The following GRM7 variants were observed in gnomAD, a reference collection of about 807,000 sequenced individuals.
GRM7 encodes metabotropic glutamate receptor 7.
In GRM7, 35 loss-of-function variants were observed where a neutral mutation model predicts 84.5. The ratio of observed to expected loss-of-function variants is 0.41; its 90% confidence interval spans 0.32 to 0.55. The LOEUF (loss-of-function observed/expected upper bound fraction) is 0.55. Among genes scored for constraint, GRM7 ranks in the 20% least tolerant of loss-of-function variants. GRM7 has a pLI of 0.19. For synonymous variants in GRM7, 487 were observed against 455.1 expected, an observed-to-expected ratio of 1.07 and a Z score of -0.89; for missense variants, 1,003 against 1,194.6, an observed-to-expected ratio of 0.84 and a Z score of 2.36.
chr3:7,637,447 G>A (rs912443521), intron 8 of GRM7, among the ~76,000 whole-genome samples: 5 of 152,158 alleles, frequency 3.3e-5, no homozygotes, highest in African/African-American at 9.7e-5. Flanking sequence ...CATTCAGGAC[G>A]GATCGCAATC....
chr3:7,482,971 T>C (rs1448224331), intron 7 of GRM7, among the ~76,000 whole-genome samples: 1 of 152,220 alleles, frequency 6.6e-6, no homozygotes, highest in Non-Finnish European at 1.5e-5. Context: ...AAATTACTTA[T>C]ATGGTCTTGT....
At chr3:7,471,041 G>A (rs779708) in intron 7 of GRM7, among the ~76,000 whole-genome samples, 114,027 of 150,918 alleles carry the variant, frequency 0.76, 44,036 homozygotes, top group African/African-American at 0.93. Context: ...TTCCTGAACC[G>A]CAATTCCCTT....
intron 1 of GRM7, among the ~76,000 whole-genome samples, chr3:7,053,828 G>A (rs994245569): frequency 6.6e-6 from 1 of 150,926 alleles, no homozygotes; most frequent in Admixed American, 6.6e-5. Context: ...TTTCAAAATT[G>A]TTATGGTTAT....
At chr3:7,054,595 A>G (rs1433965478) in intron 1 of GRM7, among the ~76,000 whole-genome samples, 1 of 151,818 alleles carries the variant, frequency 6.6e-6, no homozygotes, top group Non-Finnish European at 1.5e-5. Flanking sequence ...GCAAGTCCTT[A>G]TTAGGTTGAA....
intron 4 of GRM7, among the ~76,000 whole-genome samples, chr3:7,363,422 C>T (rs1693753389): frequency 6.6e-6 from 1 of 151,964 alleles, no homozygotes; most frequent in South Asian, 2.1e-4. Flanking sequence ...TCAGCATTAC[C>T]AAAAGAGCAG....
rs149152736 is a variant in GRM7, at chr3:7,319,752, G to C, written c.1033+13100G>C. Among the ~76,000 whole-genome samples the C allele has an allele frequency of 4.1e-3, 617 of 152,040 alleles. 5 individuals carry two copies. Among genetic ancestry groups the C allele is most frequent in the African/African-American group, 0.014 (577 of 41,526 alleles). Reference sequence around the variant, plus strand: ...AAGAAAAAAACTGACAAAAGATACTGTTTGTTTTTCTCAACTGTTCTTTAG... The same window carrying C: ...AAGAAAAAAACTGACAAAAGATACTCTTTGTTTTTCTCAACTGTTCTTTAG... On this transcript the variant is annotated intron_variant, in intron 4 of 9. Transcript: ENST00000357716.
intron 5 of GRM7, among the ~76,000 whole-genome samples, chr3:7,431,405 A>C (rs897688918): frequency 1.3e-5 from 2 of 152,136 alleles, no homozygotes; most frequent in African/African-American, 4.8e-5. Flanking sequence ...GTTCCTTCTT[A>C]GTGGGGGGAG....
Position 6,863,125 on chromosome 3 carries a change from G to GC in GRM7, c.519+1218_519+1219insC. On this transcript the variant is annotated intron_variant, in intron 1 of 9. Transcript: ENST00000357716. This position sits in a 1 kb window ranked among gnomAD's most constrained non-coding sequence, Gnocchi z 4.8. ...CTCTTTCTGTCTCTGTCTCCTTGCT[G>GC]TTTTTTTTTTCTCTCTGTTTTTTCT... 3.3e-6 allele frequency: 1 copy of GC among 305,906 alleles called. No individual in the cohort carries two copies. The highest frequency in any genetic ancestry group is 6.5e-6 in the Non-Finnish European group (1 of 154,106). The allele number at this position is 305,906 out of a possible 1,614,324, so 18.9% of individuals were successfully genotyped here. A position where few individuals can be genotyped will look rare whatever the true frequency, so the allele number is the denominator to read the frequency against.
intron 2 of GRM7, among the ~76,000 whole-genome samples, chr3:7,157,410 A>G (rs1469055635): frequency 6.6e-6 from 1 of 152,196 alleles, no homozygotes; most frequent in Non-Finnish European, 1.5e-5. Flanking sequence ...TTGGAAAAAA[A>G]GAAAAAAATT....
intron 2 of GRM7, among the ~76,000 whole-genome samples, chr3:7,225,162 T>C (rs114261169): frequency 0.018 from 2,758 of 152,040 alleles, 93 homozygotes; most frequent in African/African-American, 0.063. Context: ...CTTTTAAAAA[T>C]TCATATCTAT....
At position 6,861,194 on chromosome 3, in the gene GRM7, G is replaced by A. The variant is rs1006292133; in HGVS notation, c.-195G>A. 22 of 459,370 alleles carry A rather than the reference G, an allele frequency of 4.8e-5. No individual in the cohort carries two copies. The highest frequency in any genetic ancestry group is 8.2e-5 in the African/African-American group (4 of 48,756). The allele number at this position is 459,370 out of a possible 1,614,324, so 28.5% of individuals were successfully genotyped here. ...CGCCGGCCGGCTAACCCGAGAGCGC[G>A]AGGCGCCCCAGGCTGGCAGGCGCCG... is the stretch of plus-strand genomic sequence containing the variant. On this transcript the variant is annotated 5_prime_UTR_variant, in exon 1 of 10. Transcript: ENST00000357716. The surrounding 1 kb of genome is among the most constrained non-coding windows in gnomAD (Gnocchi z 6.4).
chr3:7,320,370 T>C (rs1481583770), intron 4 of GRM7, among the ~76,000 whole-genome samples: 1 of 152,012 alleles, frequency 6.6e-6, no homozygotes. Flanking sequence ...ATGCTAAGTA[T>C]GATAAAGAAC....
intron 2 of GRM7, among the ~76,000 whole-genome samples, chr3:7,272,948 T>G (rs942221342): frequency 6.6e-6 from 1 of 152,056 alleles, no homozygotes; most frequent in African/African-American, 2.4e-5. Context: ...GATAATTGCT[T>G]TTAGATTTTT....
At chr3:7,410,830 A>G (rs1219244765) in intron 4 of GRM7, among the ~76,000 whole-genome samples, 1 of 152,198 alleles carries the variant, frequency 6.6e-6, no homozygotes, top group Non-Finnish European at 1.5e-5. Flanking sequence ...TTTTTTATTT[A>G]CTAAGGTGTA....
At chr3:7,655,891 C>G (rs538831567) in intron 8 of GRM7, among the ~76,000 whole-genome samples, 1 of 152,272 alleles carries the variant, frequency 6.6e-6, no homozygotes, top group African/African-American at 2.4e-5. Flanking sequence ...TTCATAATTT[C>G]TTTATGAAGG....
At chr3:7,064,489 T>TATATACAC (rs1697566334) in intron 1 of GRM7, among the ~76,000 whole-genome samples, 30 of 92,466 alleles carry the variant, frequency 3.2e-4, no homozygotes, top group Non-Finnish European at 3.7e-4. Flanking sequence ...TACACACATA[T>TATATACAC]ACATATATAT....
rs116173471 is a variant in GRM7 at position 7,639,247 on chromosome 3, A to G, written c.2452-40802A>G. 2.9e-3 allele frequency among the ~76,000 whole-genome samples: 444 copies of G among 151,660 alleles called. 1 individual carries two copies. Among genetic ancestry groups the G allele is most frequent in the African/African-American group, 0.01 (428 of 41,308 alleles). ...CTCTAGAGTTTAATACATTTCTGTC[A>G]CTCCCCTCTCTCTCTGTGAGTTATC... is the stretch of plus-strand genomic sequence containing the variant. On this transcript the variant is annotated intron_variant, in intron 8 of 9. Transcript: ENST00000357716.
chr3:7,264,623 C>T (rs1698565183), intron 2 of GRM7, among the ~76,000 whole-genome samples: 1 of 151,458 alleles, frequency 6.6e-6, no homozygotes, highest in Non-Finnish European at 1.5e-5. Flanking sequence ...AATGTCTTCC[C>T]TCTGAATATC....
At chr3:7,415,857 G>T (rs1037140248) in intron 5 of GRM7, among the ~76,000 whole-genome samples, 3 of 152,084 alleles carry the variant, frequency 2.0e-5, no homozygotes, top group African/African-American at 7.2e-5. Context: ...TTATTCCAGT[G>T]ATCTCACGAA....
Sources: gnomAD v4.1 joint callset for allele counts (sites outside exome capture counted in the v4.1 genomes callset) on GRCh38, gnomAD v4.1.1 for gene constraint, Gnocchi (gnomAD v3.1) non-coding constraint, MANE v1.5 for transcripts, NCBI Gene and HGNC (gene_info 2026-07-23, HGNC 2026-07-21) for gene names.